MECOM: variants seen among roughly 807,000 people sequenced by gnomAD.
The protein encoded by MECOM is MDS1 and EVI1 complex locus.
A neutral mutation model predicts 116.3 loss-of-function variants in MECOM; 13 were observed. The ratio of observed to expected loss-of-function variants is 0.11; its 90% CI spans 0.07 to 0.18. MECOM has a LOEUF of 0.18. MECOM is among the 10% of genes least tolerant of loss of function. MECOM has a pLI of 1.00. For synonymous variants in MECOM, 528 were observed against 535.2 expected (o/e 0.99, Z 0.19); for missense variants, 1,299 against 1,509.0 (o/e 0.86, Z 2.31).
At chr3:169,416,537 G>A (rs1227877084) in intron 1 of MECOM, among the ~76,000 whole-genome samples, 1 of 150,864 alleles carries the variant, frequency 6.6e-6, no homozygotes, top group Non-Finnish European at 1.5e-5. Context: ...GGGCAGAACT[G>A]AAGGAAATAG....
Position 169,095,232 on chromosome 3 carries a change from C to T in MECOM, c.2863G>A (p.Asp955Asn). The part of the protein sequence containing the change: ...GEQPYRCKYC[D>N]RSFSISSNLQ... The stretch of plus-strand genomic sequence containing the variant: ...TTAGAAGATATGCTAAATGATCTGT[C>T]ACAGTATTTGCATCTGAAAAATAAA... Residue 955 changes from aspartate (D) to asparagine (N), a missense_variant, in exon 13 of 17, where the codon GAC becomes AAC. By Grantham distance (23) the Asp-to-Asn change is conservative. Transcript: ENST00000651503. 1 of 1,609,968 alleles carries T rather than the reference C, an allele frequency of 6.2e-7. No homozygotes were observed. The highest frequency in any genetic ancestry group is 8.5e-7 in the Non-Finnish European group (1 of 1,178,568).
At chr3:169,584,291 C>A (rs1417856029) in intron 1 of MECOM, among the ~76,000 whole-genome samples, 1 of 152,006 alleles carries the variant, frequency 6.6e-6, no homozygotes, top group African/African-American at 2.4e-5. Flanking sequence ...AAAGGCCGGG[C>A]GCGGGGGCTC....
chr3:169,442,011 C>T lies in MECOM; in HGVS notation c.38-60487G>A, dbSNP rs76308485. Among the ~76,000 whole-genome samples, 8 of 152,216 alleles carry T rather than the reference C, an allele frequency of 5.3e-5. No homozygotes were observed. In the East Asian group the frequency reaches 1.3e-3, roughly 26 times the overall value. On this transcript the variant is annotated intron_variant, in intron 1 of 16. Coordinates refer to ENST00000651503, the MANE Select transcript of MECOM (RefSeq NM_004991.4). ...CACAATCTCAGCTCATTGCAACATC[C>T]ACCTCACAGGTTTAAGCAATTTTCC...
At chr3:169,168,276 C>G (rs1235524729) in intron 2 of MECOM, among the ~76,000 whole-genome samples, 2 of 148,210 alleles carry the variant, frequency 1.3e-5, no homozygotes, top group Admixed American at 1.3e-4. Flanking sequence ...CTCAAGTGAT[C>G]CCCTTGCTTC....
intron 1 of MECOM, among the ~76,000 whole-genome samples, chr3:169,494,461 G>C (rs1384634085): frequency 6.6e-6 from 1 of 152,120 alleles, no homozygotes. Context: ...AGTTCTAACT[G>C]TTGAGAATAC....
At chr3:169,385,812 T>C in intron 1 of MECOM, among the ~76,000 whole-genome samples, 1 of 152,204 alleles carries the variant, frequency 6.6e-6, no homozygotes, top group East Asian at 1.9e-4. Context: ...TTAAAGCATT[T>C]CTCAGATATC....
chr3:169,331,301 A>G (rs965876761), intron 2 of MECOM, among the ~76,000 whole-genome samples: 4 of 152,044 alleles, frequency 2.6e-5, no homozygotes, highest in African/African-American at 2.4e-5. Flanking sequence ...CCACTTACTG[A>G]TTGTCTGGGT....
At chr3:169,367,217 G>T (rs775496261) in intron 2 of MECOM, among the ~76,000 whole-genome samples, 1 of 152,096 alleles carries the variant, frequency 6.6e-6, no homozygotes, top group Non-Finnish European at 1.5e-5. Flanking sequence ...GCACCTGCTG[G>T]ATGTGTGAGA....
Position 169,116,646 on chromosome 3 carries a change from T to C in MECOM, c.1226A>G (p.Asp409Gly). Residue 409 changes from aspartate to glycine, a missense_variant, in exon 8 of 17, where the codon GAC (aspartate) becomes GGC (glycine). Asp to Gly is a moderately conservative substitution (Grantham distance 94, BLOSUM62 -1). Transcript: ENST00000651503. ...CGTAGTGCTGAACATTTGTCCACAG[T>C]CTTTGCACTTGATTTGGGTTCTGCA... Reference protein sequence around the residue: ...ADCRTQIKCKDCGQMFSTTSS... With the variant: ...ADCRTQIKCKGCGQMFSTTSS... 6.2e-7 allele frequency: 1 copy of C among 1,614,192 alleles called. No individual in the cohort carries two copies.
intron 2 of MECOM, among the ~76,000 whole-genome samples, chr3:169,352,256 A>T (rs1005173446): frequency 6.6e-6 from 1 of 151,954 alleles, no homozygotes; most frequent in Non-Finnish European, 1.5e-5. Context: ...TCACTGAGTT[A>T]GATTTAAAGA....
intron 1 of MECOM, among the ~76,000 whole-genome samples, chr3:169,642,446 C>CAAAAA (rs397950899): frequency 5.8e-5 from 4 of 69,404 alleles, no homozygotes; most frequent in Non-Finnish European, 8.8e-5. Flanking sequence ...GACTCCATCT[C>CAAAAA]AAAAAAAAAA....
intron 1 of MECOM, among the ~76,000 whole-genome samples, chr3:169,559,884 T>C (rs1332604877): frequency 6.6e-6 from 1 of 152,196 alleles, no homozygotes; most frequent in East Asian, 1.9e-4. Flanking sequence ...AACTGACTTG[T>C]AAAGGAACTT....
In MECOM at chr3:169,085,116, G is replaced by A. The variant is rs140625474; in HGVS notation, c.3586-73C>T. 2.1e-3 allele frequency: 3,336 copies of A among 1,582,298 alleles called. 27 individuals are homozygous for A. The highest frequency in any genetic ancestry group is 0.015 in the South Asian group (1,290 of 88,646). On this transcript the variant is annotated intron_variant, in intron 16 of 16. Coordinates refer to ENST00000651503, the MANE Select transcript of MECOM (RefSeq NM_004991.4). The stretch of plus-strand genomic sequence containing the variant: ...CACTTTTAGTTCAAAGAATATTGTT[G>A]GTAAATGGAAAGGGATGGGACCCTG...
intron 1 of MECOM, among the ~76,000 whole-genome samples, chr3:169,488,203 T>C (rs1386065748): frequency 6.6e-6 from 1 of 151,850 alleles, no homozygotes; most frequent in Non-Finnish European, 1.5e-5. Flanking sequence ...ACAAGTTTGA[T>C]CAAACATATA....
At chr3:169,214,489 A>C (rs1004615440) in intron 2 of MECOM, among the ~76,000 whole-genome samples, 85 of 151,708 alleles carry the variant, frequency 5.6e-4, no homozygotes, top group African/African-American at 1.9e-3. Context: ...CAAATTCGTA[A>C]ATCATTTTTC....
intron 3 of MECOM, among the ~76,000 whole-genome samples, chr3:169,138,242 A>G (rs1258098513): frequency 6.6e-6 from 1 of 152,144 alleles, no homozygotes. Context: ...ATATACATGC[A>G]AACACTAACT....
At chr3:169,445,563 T>C (rs1298410690) in intron 1 of MECOM, among the ~76,000 whole-genome samples, 2 of 152,168 alleles carry the variant, frequency 1.3e-5, no homozygotes, top group Admixed American at 6.5e-5. Flanking sequence ...ATGGAGAACC[T>C]CTGCCAGGGC....
intron 1 of MECOM, among the ~76,000 whole-genome samples, chr3:169,636,607 T>A (rs746232176): frequency 2.0e-5 from 3 of 152,128 alleles, no homozygotes; most frequent in Non-Finnish European, 4.4e-5. Context: ...AGCGTACACC[T>A]CCTGGAACCT....
chr3:169,451,503 T>A (rs1745593845), intron 1 of MECOM, among the ~76,000 whole-genome samples: 1 of 152,206 alleles, frequency 6.6e-6, no homozygotes. Flanking sequence ...CATGTTTACC[T>A]GTTTGTTTAA....
Sources: gnomAD v4.1 joint callset for allele counts (sites outside exome capture counted in the v4.1 genomes callset) on GRCh38, gnomAD v4.1.1 for gene constraint, MANE v1.5 for transcripts, NCBI Gene and HGNC (gene_info 2026-07-23, HGNC 2026-07-21) for gene names.